The following B3GALNT1 variants were observed in gnomAD, a reference collection of about 807,000 sequenced individuals.
The protein encoded by B3GALNT1 is UDP-GalNAc:beta-1,3-N-acetylgalactosaminyltransferase 1.
In B3GALNT1, 17 loss-of-function variants were observed where a neutral mutation model predicts 27.3. The observed-to-expected ratio is 0.62, with a 90% confidence interval of 0.43 to 0.94. The LOEUF is 0.94. Ranked by LOEUF, B3GALNT1 falls within the 40% of genes least tolerant of loss-of-function variation. The probability of loss-of-function intolerance (pLI) is 0.00; values close to 1 mark genes in which losing one functional copy is unlikely to be tolerated. For synonymous variants in B3GALNT1, 141 were observed against 144.0 expected (o/e 0.98, Z 0.15); for missense variants, 347 against 390.0 (o/e 0.89, Z 0.93).
At position 161,092,148 on chromosome 3, in the gene B3GALNT1, G is replaced by C. The variant is rs572118870; in HGVS notation, c.-34-5360C>G. Among the ~76,000 whole-genome samples the C allele has an allele frequency of 1.2e-4, 18 of 152,162 alleles. No individual in the cohort carries two copies. The East Asian group carries it at 3.3e-3, about 28-fold the overall frequency. Reference sequence around the variant, plus strand: ...ACTGGAATCTAATCAAATTTTACAAGAAATACAGAGGATAGAAAGAAAAGC... The same window carrying C: ...ACTGGAATCTAATCAAATTTTACAACAAATACAGAGGATAGAAAGAAAAGC... On this transcript the variant is annotated intron_variant, in intron 4 of 4. Transcript: ENST00000320474.
In B3GALNT1 at chr3:161,104,513, T is replaced by A. The variant is rs562573377; in HGVS notation, c.-308-107A>T. 2.7e-4 allele frequency: 118 copies of A among 433,340 alleles called. 1 individual carries two copies. The highest frequency in any genetic ancestry group is 2.3e-3 in the South Asian group (115 of 49,424). The allele number at this position is 433,340 out of a possible 1,614,324, so 26.8% of individuals were successfully genotyped here. A position where few individuals can be genotyped will look rare whatever the true frequency, so the allele number is the denominator to read the frequency against. ...TACTGAATTCAAAGACTACCCGTAC[T>A]TGAGGATGGCATCATTCCTTACTGC... On this transcript the variant is annotated intron_variant, in intron 1 of 4. Coordinates refer to ENST00000320474, the MANE Select transcript of B3GALNT1 (RefSeq NM_003781.4).
chr3:161,085,485 T>C lies in B3GALNT1; in HGVS notation c.*274A>G. ...AACACCCTTTTAAGAAATTCTAGTCTACAGAATGACATGTCCAAATTGTTT... is the reference window on the plus strand; with the variant it reads ...AACACCCTTTTAAGAAATTCTAGTCCACAGAATGACATGTCCAAATTGTTT... On this transcript the variant is annotated 3_prime_UTR_variant, in exon 5 of 5. Transcript: ENST00000320474. 2 of 447,272 alleles carry C rather than the reference T, an allele frequency of 4.5e-6. No individual in the cohort carries two copies. The highest frequency in any genetic ancestry group is 8.1e-6 in the Non-Finnish European group (2 of 247,976). 27.7% of individuals were successfully genotyped at this position (447,272 alleles called of 1,614,324 possible). A position where few individuals can be genotyped will look rare whatever the true frequency, so the allele number is the denominator to read the frequency against.
chr3:161,104,115 G>C (rs959990350), intron 2 of B3GALNT1: 2 of 313,090 alleles, frequency 6.4e-6, no homozygotes, highest in Admixed American at 4.6e-5. Flanking sequence ...TCTATGAGGG[G>C]AAAAAAGTCA....
intron 4 of B3GALNT1, among the ~76,000 whole-genome samples, chr3:161,091,102 T>C (rs898398292): frequency 6.6e-6 from 1 of 151,876 alleles, no homozygotes; most frequent in Non-Finnish European, 1.5e-5. Flanking sequence ...ACCCTGTCTC[T>C]ACAAAAGAAT....
intron 4 of B3GALNT1, among the ~76,000 whole-genome samples, chr3:161,096,869 G>A (rs542567959): frequency 2.6e-5 from 4 of 152,176 alleles, no homozygotes; most frequent in East Asian, 1.9e-4. Context: ...GAAGCCAAGC[G>A]GGATCCCAGG....
In B3GALNT1 at chr3:161,100,275, T is replaced by C. The variant is rs1730519640; in HGVS notation, c.-35+864A>G. Among the ~76,000 whole-genome samples the C allele has an allele frequency of 3.3e-5, 5 of 152,338 alleles. No individual in the cohort carries two copies. In the South Asian group the frequency reaches 1.0e-3, roughly 32 times the overall value. On this transcript the variant is annotated intron_variant, in intron 4 of 4. Coordinates refer to ENST00000320474, the MANE Select transcript of B3GALNT1 (RefSeq NM_003781.4). Reference sequence around the variant, plus strand: ...TCAATTTTTAAGAATGAATTTGAAGTATTTACTGAGTTTAAGAAAAAAGCC... The same window carrying C: ...TCAATTTTTAAGAATGAATTTGAAGCATTTACTGAGTTTAAGAAAAAAGCC...
intron 4 of B3GALNT1, among the ~76,000 whole-genome samples, chr3:161,096,102 G>A (rs1350208451): frequency 6.6e-6 from 1 of 152,194 alleles, no homozygotes; most frequent in Non-Finnish European, 1.5e-5. Flanking sequence ...ACTGCTATAT[G>A]TCCAGTGTCT....
chr3:161,104,202 G>A, intron 2 of B3GALNT1, 117 bp downstream of exon 2: 1 of 654,204 alleles, frequency 1.5e-6, no homozygotes, highest in Non-Finnish European at 2.3e-6. Context: ...CTTTTATCAG[G>A]CATCGACACA....
intron 4 of B3GALNT1, among the ~76,000 whole-genome samples, chr3:161,088,919 G>C (rs1723487718): frequency 1.3e-5 from 2 of 152,170 alleles, no homozygotes; most frequent in African/African-American, 4.8e-5. Context: ...TTCTAAATGT[G>C]AGAATGTGAC....
rs777953835 is a variant in B3GALNT1, at chr3:161,085,777, G to A, written c.978C>T (p.Asn326=). ...IITFWQVMLR[N]TTCHY Reference sequence around the variant, plus strand: ...TGTGAAGTTAATAATGGCATGTGGTGTTCCTTAGCATGACCTGCCAAAAAG... The same window carrying A: ...TGTGAAGTTAATAATGGCATGTGGTATTCCTTAGCATGACCTGCCAAAAAG... The change falls in exon 5 of 5, where the codon AAC becomes AAT. Residue 326 remains asparagine, a synonymous_variant. Coordinates refer to ENST00000320474, the MANE Select transcript of B3GALNT1 (RefSeq NM_003781.4). 2.5e-6 allele frequency: 4 copies of A among 1,614,106 alleles called. No homozygotes were observed. Among genetic ancestry groups the A allele is most frequent in the East Asian group, 2.2e-5 (1 of 44,872 alleles).
chr3:161,096,227 TTTG>T (rs1306383479), intron 4 of B3GALNT1, among the ~76,000 whole-genome samples: 21 of 152,214 alleles, frequency 1.4e-4, no homozygotes. Context: ...GTAACCTGAA[TTTG>T]TTGATTATGT....
At chr3:161,087,288 C>T (rs1452148128) in intron 4 of B3GALNT1, among the ~76,000 whole-genome samples, 4 of 152,148 alleles carry the variant, frequency 2.6e-5, no homozygotes, top group Non-Finnish European at 5.9e-5. Flanking sequence ...TCTAGCAAAT[C>T]TGGATAAGAA....
chr3:161,088,616 C>T (rs1723322152), intron 4 of B3GALNT1, among the ~76,000 whole-genome samples: 1 of 152,212 alleles, frequency 6.6e-6, no homozygotes, highest in Non-Finnish European at 1.5e-5. Flanking sequence ...GTAATTAACA[C>T]TGCCTTTATA....
At chr3:161,088,114 C>A (rs1305199183) in intron 4 of B3GALNT1, among the ~76,000 whole-genome samples, 1 of 152,086 alleles carries the variant, frequency 6.6e-6, no homozygotes, top group African/African-American at 2.4e-5. Context: ...AAGGGTTCTA[C>A]CTTGGGTCAA....
At chr3:161,094,263 C>T (rs1726898125) in intron 4 of B3GALNT1, among the ~76,000 whole-genome samples, 1 of 152,192 alleles carries the variant, frequency 6.6e-6, no homozygotes, top group Non-Finnish European at 1.5e-5. Context: ...AGTATGGCAG[C>T]ATCACAGCCT....
chr3:161,102,259 C>T (rs1473457910), intron 3 of B3GALNT1, among the ~76,000 whole-genome samples: 1 of 152,176 alleles, frequency 6.6e-6, no homozygotes, highest in Non-Finnish European at 1.5e-5. Context: ...TACCTACCTA[C>T]CTGTGTTCAG....
At position 161,105,295 on chromosome 3, in the gene B3GALNT1, C is replaced by A. The variant is rs1733789470; in HGVS notation, c.-369G>T. Reference sequence around the variant, plus strand: ...GAAGGTGGCCGGCGTTCTCTCCCTGCGCACACACGCAGCCTCCCCGCATCC... The same window carrying A: ...GAAGGTGGCCGGCGTTCTCTCCCTGAGCACACACGCAGCCTCCCCGCATCC... On this transcript the variant is annotated 5_prime_UTR_variant, in exon 1 of 5. Coordinates refer to ENST00000320474, the MANE Select transcript of B3GALNT1 (RefSeq NM_003781.4). The A allele has an allele frequency of 6.6e-6, 1 of 151,982 alleles. No homozygotes were observed. Among genetic ancestry groups the A allele is most frequent in the Non-Finnish European group, 1.5e-5 (1 of 68,080 alleles). The allele number at this position is 151,982 out of a possible 1,614,324, so 9.4% of individuals were successfully genotyped here.
chr3:161,097,923 CTGAA>C (rs1333320855), intron 4 of B3GALNT1, among the ~76,000 whole-genome samples: 2 of 152,156 alleles, frequency 1.3e-5, no homozygotes, highest in Non-Finnish European at 2.9e-5. Flanking sequence ...ATTTTATTTA[CTGAA>C]TGAATGAATA....
chr3:161,086,003 G>A lies in B3GALNT1; in HGVS notation c.752C>T (p.Pro251Leu). 1.3e-6 allele frequency: 2 copies of A among 1,585,990 alleles called. No homozygotes were observed. Among genetic ancestry groups the A allele is most frequent in the Non-Finnish European group, 1.7e-6 (2 of 1,167,680 alleles). Residue 251 changes from proline to leucine, a missense_variant, in exon 5 of 5, where the codon CCA becomes CTA. Transcript: ENST00000320474. ...GTGACCCATCATTTCATAGATCCTT[G>A]GCACCAAATCTCTGGACATTATATA... is the stretch of plus-strand genomic sequence containing the variant. ...LGYIMSRDLV[P>L]RIYEMMGHVK... is the part of the protein sequence containing the mutation.
Sources: allele counts gnomAD v4.1 joint callset (sites outside exome capture counted in the v4.1 genomes callset), GRCh38; gene constraint gnomAD v4.1.1; transcripts MANE v1.5; gene names NCBI Gene and HGNC (gene_info 2026-07-23, HGNC 2026-07-21).